Variants in ENTHD1 observed in about 807,000 individuals in gnomAD.
The protein encoded by ENTHD1 is ENTH domain containing 1.
In ENTHD1, 23 loss-of-function variants were observed where a neutral mutation model predicts 39.1. The ratio of observed to expected loss-of-function variants is 0.59; its 90% CI spans 0.42 to 0.83. The LOEUF (loss-of-function observed/expected upper bound fraction) is 0.83. ENTHD1 is among the 40% of genes least tolerant of loss of function. The pLI is 0.00. For missense variants in ENTHD1, 624 were observed against 705.4 expected (o/e 0.88, Z 1.31); for synonymous variants, 230 against 258.2 (o/e 0.89, Z 1.05).
intron 5 of ENTHD1, among the ~76,000 whole-genome samples, chr22:39,800,702 GT>G (rs2065591852): frequency 6.6e-6 from 1 of 152,192 alleles, no homozygotes; most frequent in Non-Finnish European, 1.5e-5. Flanking sequence ...CTCCAATCAG[GT>G]TTCAGCTTTG....
intron 5 of ENTHD1, among the ~76,000 whole-genome samples, chr22:39,794,888 T>A (rs1421318213): frequency 1.3e-5 from 2 of 152,144 alleles, no homozygotes; most frequent in Non-Finnish European, 2.9e-5. Context: ...CAGTATGATG[T>A]TGGTTGTGGG....
At chr22:39,829,552 A>G (rs2065851312) in intron 4 of ENTHD1, among the ~76,000 whole-genome samples, 2 of 152,148 alleles carry the variant, frequency 1.3e-5, no homozygotes, top group South Asian at 4.1e-4. Flanking sequence ...TGGTAGGCCA[A>G]GGCGGGTGGA....
At chr22:39,838,180 G>C (rs1224128441) in intron 3 of ENTHD1, among the ~76,000 whole-genome samples, 4 of 152,092 alleles carry the variant, frequency 2.6e-5, no homozygotes, top group African/African-American at 9.7e-5. Context: ...TTAAATTAAA[G>C]TATAACAGGT....
chr22:39,779,500 C>T (rs1339296466), intron 5 of ENTHD1, among the ~76,000 whole-genome samples: 2 of 147,618 alleles, frequency 1.4e-5, no homozygotes, highest in African/African-American at 5.0e-5. Flanking sequence ...ACCTGTCTTA[C>T]AAGAAATGCT....
At chr22:39,772,863 T>G (rs1220263953) in intron 5 of ENTHD1, among the ~76,000 whole-genome samples, 1 of 151,990 alleles carries the variant, frequency 6.6e-6, no homozygotes, top group Non-Finnish European at 1.5e-5. Context: ...TTTGAGACCA[T>G]GGTATTAGTA....
intron 3 of ENTHD1, among the ~76,000 whole-genome samples, chr22:39,860,334 T>G (rs1470308387): frequency 6.6e-6 from 1 of 152,190 alleles, no homozygotes; most frequent in African/African-American, 2.4e-5. Flanking sequence ...TGAGTCATAA[T>G]TGGTTATTCT....
At chr22:39,845,246 G>A (rs1442830850) in intron 3 of ENTHD1, among the ~76,000 whole-genome samples, 11 of 151,936 alleles carry the variant, frequency 7.2e-5, no homozygotes, top group Non-Finnish European at 1.5e-5. Flanking sequence ...TCCATCACAG[G>A]GCCCATGTTA....
chr22:39,810,270 G>T (rs998952492), intron 5 of ENTHD1, among the ~76,000 whole-genome samples: 5 of 152,148 alleles, frequency 3.3e-5, no homozygotes, highest in African/African-American at 1.2e-4. Context: ...AATTTCTGGA[G>T]ATCTAACAAT....
At chr22:39,875,842 T>A in intron 2 of ENTHD1, 1 of 1,613,918 alleles carries the variant, frequency 6.2e-7, no homozygotes, top group Non-Finnish European at 8.5e-7. Flanking sequence ...AGAAGGAAAT[T>A]AAGCAGGAAG....
chr22:39,751,077 G>C (rs2065143807), intron 6 of ENTHD1: 2 of 153,320 alleles, frequency 1.3e-5, no homozygotes, highest in African/African-American at 4.8e-5. Context: ...ATTCATATTG[G>C]GATCCGATGT....
At position 39,861,964 on chromosome 22, in the gene ENTHD1, C is replaced by A. The variant is rs2066145145; in HGVS notation, c.393G>T (p.Leu131=). 1 of 1,559,724 alleles carries A rather than the reference C, an allele frequency of 6.4e-7. No homozygotes were observed. The highest frequency in any genetic ancestry group is 1.3e-5 in the African/African-American group (1 of 74,498). Residue 131 remains leucine, a synonymous_variant, in exon 3 of 7, where the codon CTG becomes CTT. Transcript: ENST00000325157. ...CTTTACACAGCAATGGTTCATCCAT[C>A]AGCAATGTGATGACTTGCTTAGATT... is the stretch of plus-strand genomic sequence containing the variant. ...REKSKQVITL[L]MDEPLLCKER...
chr22:39,858,183 G>A (rs1378698337), intron 3 of ENTHD1, among the ~76,000 whole-genome samples: 2 of 152,144 alleles, frequency 1.3e-5, no homozygotes, highest in Non-Finnish European at 2.9e-5. Context: ...TGAATTCTTT[G>A]TTGGCATTGC....
At chr22:39,750,318 T>G (rs1210973247) in intron 6 of ENTHD1, 1 of 174,588 alleles carries the variant, frequency 5.7e-6, no homozygotes, top group East Asian at 1.4e-4. Context: ...TTTTGTCTTT[T>G]GCTGATATTT....
intron 1 of ENTHD1, among the ~76,000 whole-genome samples, chr22:39,892,472 A>G (rs886194440): frequency 5.2e-5 from 8 of 152,390 alleles, no homozygotes; most frequent in African/African-American, 1.4e-4. Flanking sequence ...TAAGGTGTGG[A>G]GCTGCTCTGA....
chr22:39,861,690 AACAT>A (rs2066141568), intron 3 of ENTHD1, 71 bp downstream of exon 3: 1 of 1,212,036 alleles, frequency 8.3e-7, no homozygotes, highest in Admixed American at 3.6e-5. Context: ...TTAGTACTAA[AACAT>A]AATATTTTAT....
chr22:39,835,945 C>G lies in ENTHD1; in HGVS notation c.606G>C (p.Lys202Asn). 6.2e-7 allele frequency: 1 copy of G among 1,603,760 alleles called. No homozygotes were observed. The highest frequency in any genetic ancestry group is 8.5e-7 in the Non-Finnish European group (1 of 1,174,512). ...GGCAATGCTCTTGTTTCAATCCTGC[C>G]TTGCACACATTTCCTGTCAACAATA... Reference protein sequence around the residue: ...GRLHNKRNVCKAGLKQEHCQD... With the variant: ...GRLHNKRNVCNAGLKQEHCQD... Residue 202 changes from lysine (K) to asparagine (N), a missense_variant, in exon 4 of 7, where the codon AAG (lysine) becomes AAC (asparagine). Coordinates refer to ENST00000325157, the MANE Select transcript of ENTHD1 (RefSeq NM_152512.4).
At chr22:39,886,762 C>T (rs2066382342) in intron 2 of ENTHD1, among the ~76,000 whole-genome samples, 1 of 152,160 alleles carries the variant, frequency 6.6e-6, no homozygotes, top group Admixed American at 6.5e-5. Flanking sequence ...TTCCCTACTG[C>T]ACCTCCTCTT....
At chr22:39,883,664 A>T (rs2066357628) in intron 2 of ENTHD1, among the ~76,000 whole-genome samples, 1 of 152,036 alleles carries the variant, frequency 6.6e-6, no homozygotes, top group Non-Finnish European at 1.5e-5. Context: ...AAATCATTTA[A>T]TCAGGTTTAT....
rs578141834 is a variant in ENTHD1, at chr22:39,870,490, T to G, written c.350-8483A>C. ...ATATTCAGAGACAAGAGTTGAGAAT[T>G]TTACAGAAAAGACATAAATTTTCAT... On this transcript the variant is annotated intron_variant, in intron 2 of 6. Coordinates refer to ENST00000325157, the MANE Select transcript of ENTHD1 (RefSeq NM_152512.4). 3.3e-5 allele frequency among the ~76,000 whole-genome samples: 5 copies of G among 152,144 alleles called. 1 individual carries two copies. Among genetic ancestry groups the G allele is most frequent in the African/African-American group, 9.6e-5 (4 of 41,500 alleles).
Sources: allele counts gnomAD v4.1 joint callset (sites outside exome capture counted in the v4.1 genomes callset), GRCh38; gene constraint gnomAD v4.1.1; transcripts MANE v1.5; gene names NCBI Gene and HGNC (gene_info 2026-07-23, HGNC 2026-07-21).